The following ANXA8 variants were observed in gnomAD, a reference collection of about 807,000 sequenced individuals.
The protein encoded by ANXA8 is VAC-beta.
A neutral mutation model predicts 26.8 loss-of-function variants in ANXA8; 9 were observed. That is an observed-to-expected ratio of 0.34 (90% CI 0.20 to 0.59). The LOEUF (loss-of-function observed/expected upper bound fraction) is 0.59. Ranked by LOEUF, ANXA8 falls within the 20% of genes least tolerant of loss-of-function variation. ANXA8 has a pLI of 0.84. For synonymous variants in ANXA8, 39 were observed against 94.8 expected (o/e 0.41, Z 3.42); for missense variants, 83 against 238.5 (o/e 0.35, Z 4.29).
chr10:47,743,327 T>TAC, the ANXA8 span, among the ~76,000 whole-genome samples: 34 of 40,318 alleles, frequency 8.4e-4, no homozygotes, highest in African/African-American at 2.0e-3. Context: ...TATATATATA[T>TAC]ACATATATAT....
the ANXA8 span, among the ~76,000 whole-genome samples, chr10:47,591,735 C>T: frequency 1.0e-4 from 13 of 127,146 alleles, no homozygotes; most frequent in South Asian, 2.4e-4. Flanking sequence ...CATAAGCTAC[C>T]GTGCCCAGCC....
the ANXA8 span, among the ~76,000 whole-genome samples, chr10:47,584,217 C>T: frequency 6.7e-6 from 1 of 149,702 alleles, no homozygotes; most frequent in Non-Finnish European, 1.5e-5. Context: ...ACCCTCAAAA[C>T]ACATGATGAG....
the ANXA8 span, chr10:47,689,826 G>C: frequency 6.8e-5 from 78 of 1,143,626 alleles, 1 homozygote; most frequent in Non-Finnish European, 9.8e-5. Flanking sequence ...AAAAAATTCA[G>C]CTTTTATACA....
At chr10:47,743,301 T>TATATATAC in the ANXA8 span, among the ~76,000 whole-genome samples, 250 of 41,150 alleles carry the variant, frequency 6.1e-3, 55 homozygotes, top group Non-Finnish European at 0.011. Context: ...TATACACATA[T>TATATATAC]ATATATATAT....
At chr10:47,970,248 C>T in the ANXA8 span, 10 of 151,614 alleles carry the variant, frequency 6.6e-5, no homozygotes, top group Admixed American at 6.6e-4. Flanking sequence ...AGTGCCACAT[C>T]CAGGCTGAGT....
the ANXA8 span, among the ~76,000 whole-genome samples, chr10:47,925,671 A>T: frequency 1.7e-5 from 2 of 117,146 alleles, no homozygotes; most frequent in East Asian, 2.4e-4. Flanking sequence ...ATCCAAATCC[A>T]TGTTTTATCA....
At chr10:47,581,885 G>A in the ANXA8 span, among the ~76,000 whole-genome samples, 30 of 149,452 alleles carry the variant, frequency 2.0e-4, 1 homozygote, top group African/African-American at 6.3e-4. Flanking sequence ...TATTACAGGC[G>A]TGAGCCACCG....
At chr10:47,744,441 A>AGGTTGGGGGGGAGGGGGGAAG in the ANXA8 span, among the ~76,000 whole-genome samples, 1 of 6,362 alleles carries the variant, frequency 1.6e-4, no homozygotes, top group Non-Finnish European at 2.7e-4. Flanking sequence ...AGGGGGGAAG[A>AGGTTGGGGGGGAGGGGGGAAG]GGGGGGGCCT....
chr10:47,605,945 A>C, the ANXA8 span, among the ~76,000 whole-genome samples: 38,199 of 144,752 alleles, frequency 0.26, 1,324 homozygotes, highest in South Asian at 0.3. Context: ...AAAAAAAAAA[A>C]ATCAAACATC....
chr10:47,675,315 A>T, the ANXA8 span, among the ~76,000 whole-genome samples: 8 of 149,000 alleles, frequency 5.4e-5, no homozygotes, highest in African/African-American at 2.0e-4. Flanking sequence ...CTTATCTGAA[A>T]ACTCCTGCTC....
At chr10:47,551,574 A>C in the ANXA8 span, among the ~76,000 whole-genome samples, 1 of 152,004 alleles carries the variant, frequency 6.6e-6, no homozygotes, top group African/African-American at 2.4e-5. Flanking sequence ...GCTGGAGGCA[A>C]GGCAGCTTCT....
the ANXA8 span, among the ~76,000 whole-genome samples, chr10:47,748,501 C>A: frequency 6.6e-6 from 1 of 152,084 alleles, no homozygotes; most frequent in African/African-American, 2.4e-5. Context: ...GCGTGAGCCA[C>A]CGCACCCGAC....
the ANXA8 span, among the ~76,000 whole-genome samples, chr10:47,702,347 T>C: frequency 2.0e-5 from 3 of 150,506 alleles, no homozygotes; most frequent in South Asian, 4.2e-4. Context: ...TCTTTTCTTT[T>C]TTTTTTTTTT....
At chr10:47,559,270 A>G in the ANXA8 span, among the ~76,000 whole-genome samples, 14 of 150,314 alleles carry the variant, frequency 9.3e-5, no homozygotes, top group African/African-American at 3.0e-4. Context: ...GGAAATACAG[A>G]AGCATGCCAC....
chr10:47,694,000 C>T, the ANXA8 span, among the ~76,000 whole-genome samples: 3 of 151,470 alleles, frequency 2.0e-5, no homozygotes, highest in East Asian at 1.9e-4. Context: ...GTCATTTTAC[C>T]GAGGCAATTA....
chr10:47,693,451 G>C, the ANXA8 span, among the ~76,000 whole-genome samples: 1 of 151,504 alleles, frequency 6.6e-6, no homozygotes, highest in Non-Finnish European at 1.5e-5. Flanking sequence ...CACCGCGCGC[G>C]GCTAATTTTT....
the ANXA8 span, among the ~76,000 whole-genome samples, chr10:47,651,498 T>C: frequency 4.0e-5 from 6 of 150,818 alleles, no homozygotes; most frequent in Non-Finnish European, 8.8e-5. Context: ...TGACAACATA[T>C]GTCCATACAA....
the ANXA8 span, among the ~76,000 whole-genome samples, chr10:47,528,875 GA>G: frequency 7.5e-6 from 1 of 132,458 alleles, no homozygotes; most frequent in South Asian, 2.7e-4. Flanking sequence ...ACAGTGGAAG[GA>G]AAAAGAATTC....
At chr10:47,550,297 A>T in the ANXA8 span, among the ~76,000 whole-genome samples, 1 of 151,070 alleles carries the variant, frequency 6.6e-6, no homozygotes, top group Non-Finnish European at 1.5e-5. Context: ...TTCTCATAGG[A>T]AAAAGAGAAA....
Sources: allele counts gnomAD v4.1 joint callset (sites outside exome capture counted in the v4.1 genomes callset), GRCh38; gene constraint gnomAD v4.1.1; transcripts MANE v1.5; gene names NCBI Gene and HGNC (gene_info 2026-07-23, HGNC 2026-07-21).